Variants in ASXL2 observed in about 807,000 individuals in gnomAD.
The protein encoded by ASXL2 is ASXL transcriptional regulator 2.
A neutral mutation model predicts 122.0 loss-of-function variants in ASXL2; 23 were observed. That is an observed-to-expected ratio of 0.19 (90% CI 0.14 to 0.27). The LOEUF is 0.27. ASXL2 is among the 10% of genes least tolerant of loss of function. The probability of loss-of-function intolerance (pLI) is 1.00; values close to 1 mark genes in which losing one functional copy is unlikely to be tolerated. For missense variants in ASXL2, 1,518 were observed against 1,713.8 expected (o/e 0.89, Z 2.02); for synonymous variants, 650 against 637.0 (o/e 1.02, Z -0.31).
At chr2:25,877,089 T>C (rs1353607753) in intron 1 of ASXL2, among the ~76,000 whole-genome samples, 1 of 152,182 alleles carries the variant, frequency 6.6e-6, no homozygotes, top group Non-Finnish European at 1.5e-5. Context: ...TACTTTTATA[T>C]TTAAAAAACT....
chr2:25,750,522 C>G (rs900940613), intron 11 of ASXL2, 109 bp from the exon 12 acceptor site: 5 of 950,106 alleles, frequency 5.3e-6, no homozygotes, highest in Middle Eastern at 2.9e-4. Context: ...ACCCCTGACA[C>G]AGCAGGTATT....
Position 25,742,943 on chromosome 2 carries a change from C to T in ASXL2, c.3394G>A (p.Gly1132Ser), listed in dbSNP as rs773567574. 1.2e-6 allele frequency: 2 copies of T among 1,613,968 alleles called. No homozygotes were observed. Among genetic ancestry groups the T allele is most frequent in the South Asian group, 1.1e-5 (1 of 91,082 alleles). ...CTCCTAAAGCTCTCTGAGCCCCGGCCGTAGGTAGAAATATTCAGTAAGTAG... is the reference window on the plus strand; with the variant it reads ...CTCCTAAAGCTCTCTGAGCCCCGGCTGTAGGTAGAAATATTCAGTAAGTAG... ...GHYLLNISTY[G>S]RGSESFRRTH... is the part of the protein sequence containing the mutation. Residue 1132 changes from glycine (G) to serine (S), a missense_variant, in exon 13 of 13, where the codon GGC (glycine) becomes AGC (serine). Gly to Ser is a moderately conservative substitution (Grantham distance 56). Coordinates refer to ENST00000435504, the MANE Select transcript of ASXL2 (RefSeq NM_018263.6).
At chr2:25,846,500 TAGTC>T (rs2089651000) in intron 1 of ASXL2, among the ~76,000 whole-genome samples, 1 of 151,888 alleles carries the variant, frequency 6.6e-6, no homozygotes, top group African/African-American at 2.4e-5. Flanking sequence ...ATACAAAAAT[TAGTC>T]AGGCGTGGTG....
chr2:25,874,807 T>G (rs182142690), intron 1 of ASXL2, among the ~76,000 whole-genome samples: 1 of 152,096 alleles, frequency 6.6e-6, no homozygotes, highest in South Asian at 2.1e-4. Context: ...CAGCTGAGTA[T>G]AGTGGACCAC....
intron 1 of ASXL2, among the ~76,000 whole-genome samples, chr2:25,847,492 C>T (rs995290955): frequency 1.4e-4 from 22 of 152,126 alleles, no homozygotes; most frequent in African/African-American, 3.4e-4. Flanking sequence ...TTTGATGAAG[C>T]GGCAGTCTGT....
chr2:25,845,782 T>C (rs939935295), intron 1 of ASXL2, among the ~76,000 whole-genome samples: 1 of 152,144 alleles, frequency 6.6e-6, no homozygotes, highest in African/African-American at 2.4e-5. Flanking sequence ...CTGGTAAATG[T>C]ATAGCAAAGC....
At chr2:25,842,777 T>C (rs2089601507) in intron 2 of ASXL2, among the ~76,000 whole-genome samples, 2 of 121,610 alleles carry the variant, frequency 1.6e-5, no homozygotes, top group South Asian at 4.7e-4. Flanking sequence ...CACGTGTGTG[T>C]GTGTGTGTGT....
intron 3 of ASXL2, chr2:25,809,875 T>C (rs55701236): frequency 0.035 from 17,077 of 490,506 alleles, 414 homozygotes; most frequent in African/African-American, 0.081. Flanking sequence ...TGGCCTCAGA[T>C]GGAATCAGGG....
At chr2:25,822,518 C>A in intron 3 of ASXL2, 1 of 494,848 alleles carries the variant, frequency 2.0e-6, no homozygotes, top group Middle Eastern at 4.6e-4. Context: ...TATGTCTTCA[C>A]TGAATTCTGT....
Position 25,835,545 on chromosome 2 carries a change from A to G in ASXL2, c.141-5T>C. The G allele has an allele frequency of 3.3e-6, 1 of 301,140 alleles. No homozygotes were observed. The highest frequency in any genetic ancestry group is 7.2e-6 in the Non-Finnish European group (1 of 139,856). 18.7% of individuals were successfully genotyped at this position (301,140 alleles called of 1,614,324 possible). ...TAAAGTAATACTTCTTACCTTCTGGAGTTGGAATGCAGTGCAGGAAAATGA... is the reference window on the plus strand; with the variant it reads ...TAAAGTAATACTTCTTACCTTCTGGGGTTGGAATGCAGTGCAGGAAAATGA... On this transcript the variant is annotated splice_region_variant and splice_polypyrimidine_tract_variant and intron_variant, in intron 2 of 12. Transcript: ENST00000435504.
At chr2:25,804,910 C>A (rs1383147540) in intron 4 of ASXL2, among the ~76,000 whole-genome samples, 2 of 152,108 alleles carry the variant, frequency 1.3e-5, no homozygotes, top group South Asian at 4.1e-4. Context: ...ATTAGCTGGG[C>A]GTGGTGGTGG....
rs528730000 is a variant in ASXL2 at position 25,744,719 on chromosome 2, C to T, written c.1861-243G>A. Among the ~76,000 whole-genome samples, 4 of 152,276 alleles carry T rather than the reference C, an allele frequency of 2.6e-5. No individual in the cohort carries two copies. In the East Asian group the frequency reaches 7.7e-4, roughly 29 times the overall value. ...CTGCTTCCACTCTCACCCCAAATCC[C>T]CACACCTCTTTTCCTATCTCAACTC... On this transcript the variant is annotated intron_variant, in intron 12 of 12. Coordinates refer to ENST00000435504, the MANE Select transcript of ASXL2 (RefSeq NM_018263.6). This position sits in a 1 kb window ranked among gnomAD's most constrained non-coding sequence, Gnocchi z 4.7.
chr2:25,782,817 T>C (rs556921145), intron 5 of ASXL2, among the ~76,000 whole-genome samples: 1 of 152,268 alleles, frequency 6.6e-6, no homozygotes, highest in African/African-American at 2.4e-5. Context: ...ACATTAAGAT[T>C]ATTATCTTTA....
chr2:25,768,925 A>T lies in ASXL2; in HGVS notation c.505-57T>A. On this transcript the variant is annotated intron_variant, in intron 6 of 12. Transcript: ENST00000435504. Reference sequence around the variant, plus strand: ...AACCAATCAGTTTTTTAGTAATAATATAAATTACTTCTTTTTTAAATGGCA... The same window carrying T: ...AACCAATCAGTTTTTTAGTAATAATTTAAATTACTTCTTTTTTAAATGGCA... 1.9e-6 allele frequency: 3 copies of T among 1,543,942 alleles called. No individual in the cohort carries two copies. The South Asian group carries it at 3.6e-5, about 19-fold the overall frequency.
chr2:25,760,032 C>T (rs1476813391), intron 8 of ASXL2, among the ~76,000 whole-genome samples: 1 of 151,986 alleles, frequency 6.6e-6, no homozygotes, highest in African/African-American at 2.4e-5. Context: ...TACTGACTTC[C>T]TTTGCCTCTT....
rs548894349 is a variant in ASXL2, at chr2:25,875,378, T to G, written c.57+2788A>C. Among the ~76,000 whole-genome samples, 19 of 152,134 alleles carry G rather than the reference T, an allele frequency of 1.2e-4. No homozygotes were observed. In the South Asian group the frequency reaches 3.7e-3, roughly 30 times the overall value. ...AGCTACTTGGGAAGCTAGGACAGGATGATCACTTGAGACCAGAAGTTCAAG... is the reference window on the plus strand; with the variant it reads ...AGCTACTTGGGAAGCTAGGACAGGAGGATCACTTGAGACCAGAAGTTCAAG... On this transcript the variant is annotated intron_variant, in intron 1 of 12. Coordinates refer to ENST00000435504, the MANE Select transcript of ASXL2 (RefSeq NM_018263.6).
At chr2:25,854,264 G>A (rs1241228864) in intron 1 of ASXL2, among the ~76,000 whole-genome samples, 1 of 152,198 alleles carries the variant, frequency 6.6e-6, no homozygotes, top group Non-Finnish European at 1.5e-5. Context: ...ACTCTTTAGA[G>A]TTAATAACAC....
At chr2:25,784,841 C>T (rs1485512282) in intron 5 of ASXL2, among the ~76,000 whole-genome samples, 1 of 152,186 alleles carries the variant, frequency 6.6e-6, no homozygotes, top group Non-Finnish European at 1.5e-5. Flanking sequence ...CTCTGTTTCC[C>T]AATAAGCACA....
At chr2:25,812,859 T>C (rs1414417055) in intron 3 of ASXL2, among the ~76,000 whole-genome samples, 2 of 152,184 alleles carry the variant, frequency 1.3e-5, no homozygotes, top group Non-Finnish European at 2.9e-5. Context: ...GAGTGCTAAG[T>C]TCCAGGAAGC....
Sources: gnomAD v4.1 joint callset for allele counts (sites outside exome capture counted in the v4.1 genomes callset) on GRCh38, gnomAD v4.1.1 for gene constraint, Gnocchi (gnomAD v3.1) non-coding constraint, MANE v1.5 for transcripts, NCBI Gene and HGNC (gene_info 2026-07-23, HGNC 2026-07-21) for gene names.